GORASP2: variants seen among roughly 807,000 people sequenced by gnomAD.
GORASP2 encodes the protein Golgi reassembly-stacking protein 2.
A neutral mutation model predicts 45.7 loss-of-function variants in GORASP2; 22 were observed. That is an observed-to-expected ratio of 0.48 (90% confidence interval 0.34 to 0.69). The LOEUF is 0.69. GORASP2 is among the 30% of genes least tolerant of loss of function. The pLI is 0.01. For missense variants in GORASP2, 491 were observed against 562.7 expected (o/e 0.87, Z 1.29); for synonymous variants, 221 against 215.6 (o/e 1.02, Z -0.22).
At chr2:170,952,995 G>GAGGGAAGA (rs1274161460) in intron 5 of GORASP2, among the ~76,000 whole-genome samples, 2 of 152,266 alleles carry the variant, frequency 1.3e-5, no homozygotes, top group South Asian at 2.1e-4. Flanking sequence ...TTTTGATTGT[G>GAGGGAAGA]AGGGAAGAAG....
At chr2:170,930,777 C>T (rs1703804477) in intron 1 of GORASP2, among the ~76,000 whole-genome samples, 1 of 152,036 alleles carries the variant, frequency 6.6e-6, no homozygotes, top group Non-Finnish European at 1.5e-5. Flanking sequence ...TTGTCAGTTC[C>T]CAAATGTGAG....
intron 1 of GORASP2, among the ~76,000 whole-genome samples, chr2:170,930,670 G>C (rs1703801325): frequency 1.3e-5 from 2 of 151,844 alleles, no homozygotes; most frequent in South Asian, 4.2e-4. Context: ...TTCCCCGAAA[G>C]GAAAAGGGAG....
chr2:170,949,041 C>T (rs1704238800), intron 2 of GORASP2, among the ~76,000 whole-genome samples: 2 of 152,126 alleles, frequency 1.3e-5, no homozygotes, highest in African/African-American at 4.8e-5. Context: ...ACATCTCTGA[C>T]ATATAAATAA....
intron 1 of GORASP2, among the ~76,000 whole-genome samples, chr2:170,944,255 T>A (rs1296426798): frequency 1.3e-5 from 2 of 152,154 alleles, no homozygotes; most frequent in Non-Finnish European, 2.9e-5. Flanking sequence ...GTTTGCTATG[T>A]TGTAGATCAT....
rs529355072 is a variant in GORASP2, at chr2:170,966,191, G to T, written c.*61G>T. The stretch of plus-strand genomic sequence containing the variant: ...TAACCACGGGAGCGTGTCTGGAAAC[G>T]CAAACTATCATTAATTTCATACTAG... On this transcript the variant is annotated 3_prime_UTR_variant, in exon 10 of 10. Coordinates refer to ENST00000234160, the MANE Select transcript of GORASP2 (RefSeq NM_015530.5). 1.8e-6 allele frequency: 2 copies of T among 1,140,626 alleles called. No individual in the cohort carries two copies. Among genetic ancestry groups the T allele is most frequent in the Admixed American group, 1.7e-5 (1 of 58,412 alleles). 70.7% of individuals were successfully genotyped at this position (1,140,626 alleles called of 1,614,324 possible).
intron 6 of GORASP2, among the ~76,000 whole-genome samples, chr2:170,955,505 C>G (rs1479465644): frequency 6.6e-6 from 1 of 152,182 alleles, no homozygotes; most frequent in Non-Finnish European, 1.5e-5. Context: ...TAACTCTTGT[C>G]TGCACCACTA....
In GORASP2 at chr2:170,929,365, A is replaced by T; in HGVS notation, c.25A>T (p.Ile9Phe). Residue 9 changes from isoleucine (I) to phenylalanine (F), a missense_variant, in exon 1 of 10, where the codon ATC (isoleucine) becomes TTC (phenylalanine). Around this residue, in one of 2 missense-constraint regions of GORASP2, gnomAD observed 194 missense variants for 270.4 expected, o/e 0.72. Coordinates refer to ENST00000234160, the MANE Select transcript of GORASP2 (RefSeq NM_015530.5). ...CATGGGCTCCTCGCAAAGCGTCGAG[A>T]TCCCGGGCGGGGGCACCGAGGGCTA... MGSSQSVE[I>F]PGGGTEGYHV... 7.1e-7 allele frequency: 1 copy of T among 1,407,862 alleles called. No individual in the cohort carries two copies. Among genetic ancestry groups the T allele is most frequent in the Non-Finnish European group, 9.3e-7 (1 of 1,079,268 alleles). 87.2% of individuals were successfully genotyped at this position (1,407,862 alleles called of 1,614,324 possible).
chr2:170,948,176 G>GCC (rs1357401875), intron 1 of GORASP2, among the ~76,000 whole-genome samples, 174 bp from the exon 2 acceptor site: 2 of 152,094 alleles, frequency 1.3e-5, no homozygotes, highest in East Asian at 3.8e-4. Context: ...AATGGGTAGA[G>GCC]TTTAGGGAGC....
At chr2:170,931,976 C>T (rs1703835405) in intron 1 of GORASP2, among the ~76,000 whole-genome samples, 1 of 152,174 alleles carries the variant, frequency 6.6e-6, no homozygotes, top group African/African-American at 2.4e-5. Context: ...ACCTGTAATC[C>T]CCACTTTGGG....
In GORASP2 at chr2:170,966,058, C is replaced by T. The variant is rs768228606; in HGVS notation, c.1287C>T (p.Val429=). ...AKAPTTVEDR[V]GDSTPVSEKP... is the part of the protein sequence containing the mutation. ...CCCCCACCACCGTTGAGGACAGAGTCGGCGACTCCACCCCAGTCAGCGAGA... is the reference window on the plus strand; with the variant it reads ...CCCCCACCACCGTTGAGGACAGAGTTGGCGACTCCACCCCAGTCAGCGAGA... Residue 429 remains valine, a synonymous_variant, in exon 10 of 10, where the codon GTC becomes GTT. Coordinates refer to ENST00000234160, the MANE Select transcript of GORASP2 (RefSeq NM_015530.5). The T allele has an allele frequency of 3.0e-5, 48 of 1,613,872 alleles. No individual in the cohort carries two copies. The Admixed American group carries it at 6.2e-4, about 21-fold the overall frequency.
intron 1 of GORASP2, among the ~76,000 whole-genome samples, chr2:170,944,595 A>C (rs2105317686): frequency 6.6e-6 from 1 of 152,330 alleles, no homozygotes; most frequent in Admixed American, 6.5e-5. Flanking sequence ...TTTCCATTTC[A>C]GACAAATAGT....
chr2:170,934,921 A>G, intron 1 of GORASP2, among the ~76,000 whole-genome samples: 1 of 151,988 alleles, frequency 6.6e-6, no homozygotes, highest in East Asian at 1.9e-4. Context: ...TATTTTTAGT[A>G]GAGATGGGCT....
chr2:170,948,487 A>G, intron 2 of GORASP2, 57 bp downstream of exon 2: 1 of 906,900 alleles, frequency 1.1e-6, no homozygotes, highest in Non-Finnish European at 1.8e-6. Flanking sequence ...CAAAAATGGA[A>G]TTTTTCAGAT....
intron 5 of GORASP2, 117 bp downstream of exon 5, chr2:170,951,575 A>T (rs992294555): frequency 7.0e-5 from 55 of 785,102 alleles, no homozygotes; most frequent in African/African-American, 8.9e-5. Flanking sequence ...GACTCCTCTT[A>T]AAAAAAAGGG....
At chr2:170,936,638 G>A in intron 1 of GORASP2, 1 of 1,300,484 alleles carries the variant, frequency 7.7e-7, no homozygotes, top group Non-Finnish European at 1.0e-6. Context: ...AATGAGAGAA[G>A]GCTCAAGCAC....
chr2:170,944,923 A>C (rs1037227554), intron 1 of GORASP2, among the ~76,000 whole-genome samples: 2 of 152,160 alleles, frequency 1.3e-5, no homozygotes, highest in African/African-American at 4.8e-5. Flanking sequence ...TGTGCTGTTC[A>C]TTCCCTTTCA....
Position 170,966,105 on chromosome 2 carries a change from A to T in GORASP2, c.1334A>T (p.Asp445Val). The change falls in exon 10 of 10, where the codon GAT (aspartate) becomes GTT (valine). Residue 445 changes from aspartate (D) to valine (V), a missense_variant. By Grantham distance (152) the Asp-to-Val change is radical (BLOSUM62 -3). This residue lies in a region of GORASP2 where 297 missense variants were observed against 292.3 expected (regional missense o/e 1.02). Coordinates refer to ENST00000234160, the MANE Select transcript of GORASP2 (RefSeq NM_015530.5). ...GAGAAGCCTGTTTCTGCGGCTGTGGATGCCAATGCTTCTGAGTCACCTTAA... is the reference window on the plus strand; with the variant it reads ...GAGAAGCCTGTTTCTGCGGCTGTGGTTGCCAATGCTTCTGAGTCACCTTAA... ...VSEKPVSAAV[D>V]ANASESP The T allele has an allele frequency of 6.2e-7, 1 of 1,613,568 alleles. No homozygotes were observed. The highest frequency in any genetic ancestry group is 8.5e-7 in the Non-Finnish European group (1 of 1,179,466).
intron 1 of GORASP2, among the ~76,000 whole-genome samples, chr2:170,941,101 C>T (rs534346046): frequency 6.6e-6 from 1 of 152,088 alleles, no homozygotes; most frequent in African/African-American, 2.4e-5. Context: ...TTATTGCAGC[C>T]GTTTTTTCTA....
intron 1 of GORASP2, among the ~76,000 whole-genome samples, chr2:170,945,788 C>G (rs1020862708): frequency 2.6e-5 from 4 of 152,160 alleles, no homozygotes; most frequent in African/African-American, 9.7e-5. Flanking sequence ...CTGATTGACA[C>G]TGGTATTAGA....
Sources: gnomAD v4.1 joint callset for allele counts (sites outside exome capture counted in the v4.1 genomes callset) on GRCh38, gnomAD v4.1.1 for gene constraint, gnomAD v4.1.1 regional missense constraint, MANE v1.5 for transcripts, NCBI Gene and HGNC (gene_info 2026-07-23, HGNC 2026-07-21) for gene names.